KLHL6: variants seen among roughly 807,000 people sequenced by gnomAD.
KLHL6 encodes the protein kelch-like protein 6.
In KLHL6, 41 loss-of-function variants were observed where a neutral mutation model predicts 58.6. That is an observed-to-expected ratio of 0.70 (90% CI 0.55 to 0.91). The LOEUF (loss-of-function observed/expected upper bound fraction) is 0.91, where lower values mean the gene tolerates loss of function less well. Ranked by LOEUF, KLHL6 falls within the 40% of genes least tolerant of loss-of-function variation. KLHL6 has a pLI of 0.00. For missense variants in KLHL6, 714 were observed against 805.6 expected (o/e 0.89, Z 1.38); for synonymous variants, 338 against 322.7 (o/e 1.05, Z -0.51).
intron 2 of KLHL6, chr3:183,520,292 T>C (rs1711712529): frequency 6.6e-6 from 1 of 151,830 alleles, no homozygotes; most frequent in South Asian, 2.1e-4. Context: ...CACCGAGAAA[T>C]ATAAAGACAA....
At chr3:183,517,771 G>A (rs1276535562) in intron 2 of KLHL6, among the ~76,000 whole-genome samples, 2 of 152,186 alleles carry the variant, frequency 1.3e-5, no homozygotes, top group East Asian at 3.8e-4. Context: ...TGGCATGGCT[G>A]GGGCTCAGTG....
In KLHL6 at chr3:183,555,536, C is replaced by G; in HGVS notation, c.118G>C (p.Glu40Gln). ...TTGACCTTTTCCCCATTTAAGATCT[C>G]GACCAAGTCTCCTGTTTTCTGGGAG... ...EPSQKTGDLV[E>Q]ILNGEKVKFD... Residue 40 changes from glutamate (E) to glutamine (Q), a missense_variant, in exon 1 of 7, where the codon GAG (glutamate) becomes CAG (glutamine). Glu to Gln is a conservative substitution (Grantham distance 29). Around this residue, in one of 2 missense-constraint regions of KLHL6, gnomAD observed 204 missense variants for 175.9 expected, o/e 1.16. Transcript: ENST00000341319. 6 of 1,614,168 alleles carry G rather than the reference C, an allele frequency of 3.7e-6. No individual in the cohort carries two copies. In the South Asian group the frequency reaches 6.6e-5, roughly 18 times the overall value.
At position 183,527,024 on chromosome 3, in the gene KLHL6, G is replaced by A. The variant is rs191481133; in HGVS notation, c.459+821C>T. Among the ~76,000 whole-genome samples, 539 of 152,018 alleles carry A rather than the reference G, an allele frequency of 3.5e-3. 4 individuals carry two copies. Among genetic ancestry groups the A allele is most frequent in the African/African-American group, 0.012 (512 of 41,464 alleles). On this transcript the variant is annotated intron_variant, in intron 2 of 6. Transcript: ENST00000341319. ...TAGGGCAGGAGAATCGCTTAAACCC[G>A]GGAGGCAGAGGTTGCAGGGGGCCAA...
chr3:183,520,611 A>C (rs991804945), intron 2 of KLHL6: 1 of 151,694 alleles, frequency 6.6e-6, no homozygotes, highest in Non-Finnish European at 1.5e-5. Flanking sequence ...CAGCAGGAAA[A>C]CGTGTGAGCA....
At position 183,527,906 on chromosome 3, in the gene KLHL6, C is replaced by T. The variant is rs1363551784; in HGVS notation, c.398G>A (p.Ser133Asn). Residue 133 changes from serine (S) to asparagine (N), a missense_variant, in exon 2 of 7, where the codon AGC becomes AAC. Physicochemically the swap from Ser to Asn is conservative, Grantham distance 46 (BLOSUM62 1). This residue lies in a region of KLHL6 where 204 missense variants were observed against 175.9 expected (regional missense o/e 1.16). Coordinates refer to ENST00000341319, the MANE Select transcript of KLHL6 (RefSeq NM_130446.4). ...MHTLLDYTYTSKALITKQNVQ... is the reference protein window; with the variant it reads ...MHTLLDYTYTNKALITKQNVQ... ...ATTCTGCTTGGTGATCAGCGCCTTG[C>T]TGGTGTACGTGTAGTCCAACAGAGT... 1 of 1,613,984 alleles carries T rather than the reference C, an allele frequency of 6.2e-7. No individual in the cohort carries two copies. Among genetic ancestry groups the T allele is most frequent in the Non-Finnish European group, 8.5e-7 (1 of 1,180,026 alleles).
intron 2 of KLHL6, among the ~76,000 whole-genome samples, chr3:183,525,847 C>T (rs961904871): frequency 5.9e-5 from 9 of 152,112 alleles, no homozygotes; most frequent in Non-Finnish European, 1.3e-4. Context: ...AGTGTGCCTA[C>T]GTTGTGTTAG....
chr3:183,514,440 C>T (rs1157255532), intron 2 of KLHL6, among the ~76,000 whole-genome samples: 1 of 152,118 alleles, frequency 6.6e-6, no homozygotes, highest in Non-Finnish European at 1.5e-5. Flanking sequence ...TGCCATCTCT[C>T]GGCCTGAGCT....
intron 3 of KLHL6, among the ~76,000 whole-genome samples, chr3:183,504,824 T>A (rs1553808368): frequency 6.6e-6 from 1 of 152,202 alleles, no homozygotes; most frequent in Non-Finnish European, 1.5e-5. Context: ...GCATAGTACC[T>A]GATAGGTAGT....
At chr3:183,546,886 G>A (rs953724714) in intron 1 of KLHL6, among the ~76,000 whole-genome samples, 6 of 151,430 alleles carry the variant, frequency 4.0e-5, no homozygotes, top group South Asian at 4.2e-4. Flanking sequence ...TGGCGAGTCC[G>A]GACTGAAACC....
At chr3:183,509,926 A>C (rs1223241046) in intron 2 of KLHL6, among the ~76,000 whole-genome samples, 3 of 152,180 alleles carry the variant, frequency 2.0e-5, no homozygotes, top group Non-Finnish European at 4.4e-5. Flanking sequence ...ATTTATTTAT[A>C]TATCCTTTAA....
At chr3:183,526,788 T>C (rs1030661752) in intron 2 of KLHL6, among the ~76,000 whole-genome samples, 1 of 152,142 alleles carries the variant, frequency 6.6e-6, no homozygotes, top group Non-Finnish European at 1.5e-5. Context: ...AAATAATTTA[T>C]GCCAAGTGAT....
chr3:183,492,437 C>T lies in KLHL6; in HGVS notation c.1564+57G>A. 6.3e-7 allele frequency: 1 copy of T among 1,577,000 alleles called. No homozygotes were observed. Among genetic ancestry groups the T allele is most frequent in the Non-Finnish European group, 8.7e-7 (1 of 1,148,128 alleles). On this transcript the variant is annotated intron_variant, in intron 6 of 6. Coordinates refer to ENST00000341319, the MANE Select transcript of KLHL6 (RefSeq NM_130446.4). The surrounding 1 kb of genome is among the most constrained non-coding windows in gnomAD (Gnocchi z 5.9). ...ACCGCGACACACCGTTTACGTGCTGCAGCCAGGCGCTCATCAGGTTCTAAG... is the reference window on the plus strand; with the variant it reads ...ACCGCGACACACCGTTTACGTGCTGTAGCCAGGCGCTCATCAGGTTCTAAG...
At chr3:183,552,328 T>G (rs552299281) in intron 1 of KLHL6, 3 of 152,158 alleles carry the variant, frequency 2.0e-5, no homozygotes, top group Non-Finnish European at 4.4e-5. Context: ...AGTCCCTTAG[T>G]GGAAAGTAAT....
chr3:183,500,102 T>C (rs1390693641), intron 3 of KLHL6, among the ~76,000 whole-genome samples: 1 of 152,208 alleles, frequency 6.6e-6, no homozygotes, highest in Non-Finnish European at 1.5e-5. Flanking sequence ...TTGCCTGTTT[T>C]TGCTGCTGTT....
At position 183,508,420 on chromosome 3, in the gene KLHL6, G is replaced by A. The variant is rs749114213; in HGVS notation, c.548C>T (p.Thr183Ile). Reference sequence around the variant, plus strand: ...CTTCTTTAGACTGTCCAGCGAGTGTGTGTCAGCCAGCCTCAGTATTCCAAC... The same window carrying A: ...CTTCTTTAGACTGTCCAGCGAGTGTATGTCAGCCAGCCTCAGTATTCCAAC... The part of the protein sequence containing the change: ...NCVGILRLAD[T>I]HSLDSLKKQV... Residue 183 changes from threonine to isoleucine, a missense_variant, in exon 3 of 7, where the codon ACA becomes ATA. Coordinates refer to ENST00000341319, the MANE Select transcript of KLHL6 (RefSeq NM_130446.4). 3 of 1,614,230 alleles carry A rather than the reference G, an allele frequency of 1.9e-6. No individual in the cohort carries two copies. The highest frequency in any genetic ancestry group is 2.5e-6 in the Non-Finnish European group (3 of 1,180,044).
rs1282712925 is a variant in KLHL6 at position 183,488,965 on chromosome 3, T to C, written c.*2962A>G. The stretch of plus-strand genomic sequence containing the variant: ...CACAATTCACCTGCATATCTGGTGT[T>C]GTAAAAAATCATAAAGAGTGTTTCC... On this transcript the variant is annotated 3_prime_UTR_variant, in exon 7 of 7. Coordinates refer to ENST00000341319, the MANE Select transcript of KLHL6 (RefSeq NM_130446.4). 6.6e-6 allele frequency: 1 copy of C among 152,214 alleles called. No homozygotes were observed. Among genetic ancestry groups the C allele is most frequent in the Non-Finnish European group, 1.5e-5 (1 of 68,034 alleles). The allele number at this position is 152,214 out of a possible 1,614,324, so 9.4% of individuals were successfully genotyped here.
chr3:183,494,384 C>A, intron 4 of KLHL6, 103 bp from the exon 5 acceptor site: 1 of 942,752 alleles, frequency 1.1e-6, no homozygotes, highest in Non-Finnish European at 1.7e-6. Flanking sequence ...CCCAGGCCAG[C>A]CCTACCCTGA....
rs1003720625 is a variant in KLHL6, at chr3:183,494,063, A to G, written c.1350+16T>C. The G allele has an allele frequency of 2.5e-6, 4 of 1,609,638 alleles. No individual in the cohort carries two copies. In the Admixed American group the frequency reaches 6.7e-5, roughly 27 times the overall value. On this transcript the variant is annotated intron_variant, in intron 5 of 6. Coordinates refer to ENST00000341319, the MANE Select transcript of KLHL6 (RefSeq NM_130446.4). ...TAATAATACAGGCAGTTACTGGTAG[A>G]AATCGTGTCCTATACCTCTGACCAG...
intron 4 of KLHL6, among the ~76,000 whole-genome samples, chr3:183,498,351 C>T (rs927517736): frequency 6.6e-6 from 1 of 152,230 alleles, no homozygotes; most frequent in Middle Eastern, 3.2e-3. Context: ...AGGAAACACG[C>T]TCTGGGGTCC....
Sources: gnomAD v4.1 joint callset for allele counts (sites outside exome capture counted in the v4.1 genomes callset) on GRCh38, gnomAD v4.1.1 for gene constraint, gnomAD v4.1.1 regional missense constraint, Gnocchi (gnomAD v3.1) non-coding constraint, MANE v1.5 for transcripts, NCBI Gene and HGNC (gene_info 2026-07-23, HGNC 2026-07-21) for gene names.